KALRN: variants seen among roughly 807,000 people sequenced by gnomAD.
KALRN encodes the protein kalirin.
Under a neutral mutation model 353.7 loss-of-function variants are expected in KALRN, and 70 were observed. The observed-to-expected ratio is 0.20, with a 90% CI of 0.16 to 0.24. The LOEUF is 0.24. Ranked by LOEUF, KALRN falls within the 10% of genes least tolerant of loss-of-function variation. KALRN has a pLI of 1.00. For missense variants in KALRN, 2,791 were observed against 3,756.7 expected (o/e 0.74, Z 6.72); for synonymous variants, 1,391 against 1,434.8 (o/e 0.97, Z 0.69).
At chr3:124,604,119 T>C (rs333244) in intron 34 of KALRN, among the ~76,000 whole-genome samples, 7,270 of 149,078 alleles carry the variant, frequency 0.049, 587 homozygotes, top group African/African-American at 0.17. Context: ...TCTGAACAAA[T>C]AGATGGTCAG....
intron 56 of KALRN, among the ~76,000 whole-genome samples, chr3:124,701,143 G>A (rs1270174110): frequency 1.3e-5 from 2 of 152,174 alleles, no homozygotes; most frequent in Non-Finnish European, 2.9e-5. Flanking sequence ...TGCTATTTGT[G>A]AACCTTGGTC....
chr3:124,289,552 G>A (rs1267791180), intron 5 of KALRN, among the ~76,000 whole-genome samples: 1 of 152,200 alleles, frequency 6.6e-6, no homozygotes, highest in Non-Finnish European at 1.5e-5. Flanking sequence ...AGGCTGTTAT[G>A]AGGATTGAGA....
At chr3:124,679,171 C>T (rs1283209679) in intron 50 of KALRN, among the ~76,000 whole-genome samples, 1 of 152,234 alleles carries the variant, frequency 6.6e-6, no homozygotes, top group Non-Finnish European at 1.5e-5. Context: ...GAAGTCCAGC[C>T]TCACAGAAGA....
chr3:124,713,319 TC>T (rs1434670815), intron 58 of KALRN, among the ~76,000 whole-genome samples, 184 bp downstream of exon 58: 3 of 152,156 alleles, frequency 2.0e-5, no homozygotes, highest in African/African-American at 4.8e-5. Flanking sequence ...GATTAAAAAA[TC>T]ATAATAGGAA....
At chr3:124,541,905 C>G (rs555310285) in intron 33 of KALRN, among the ~76,000 whole-genome samples, 40 of 110,796 alleles carry the variant, frequency 3.6e-4, no homozygotes, top group Middle Eastern at 9.6e-3. Flanking sequence ...AAAAAGGTAG[C>G]CCAGATCATT....
intron 17 of KALRN, 115 bp downstream of exon 17, chr3:124,434,640 A>G: frequency 1.2e-6 from 1 of 856,080 alleles, no homozygotes; most frequent in Non-Finnish European, 1.8e-6. Context: ...TTTCAGTACT[A>G]ACATTTGAAG....
At chr3:124,566,512 A>C (rs944476552) in intron 34 of KALRN, among the ~76,000 whole-genome samples, 1 of 152,126 alleles carries the variant, frequency 6.6e-6, no homozygotes, top group Non-Finnish European at 1.5e-5. Context: ...CTCAAAAAAA[A>C]AAAAAAAGGA....
intron 3 of KALRN, among the ~76,000 whole-genome samples, chr3:124,239,984 T>C (rs145055864): frequency 6.6e-6 from 1 of 152,348 alleles, no homozygotes; most frequent in East Asian, 1.9e-4. Flanking sequence ...CCCTAAAACA[T>C]ACCTTTTAAA....
At chr3:124,573,800 G>T (rs1190867793) in intron 34 of KALRN, among the ~76,000 whole-genome samples, 1 of 152,152 alleles carries the variant, frequency 6.6e-6, no homozygotes, top group African/African-American at 2.4e-5. Context: ...GATTTCCCAA[G>T]AAATAATGGC....
intron 1 of KALRN, among the ~76,000 whole-genome samples, chr3:124,192,344 T>C (rs1293403632): frequency 1.3e-5 from 2 of 151,786 alleles, no homozygotes; most frequent in Admixed American, 6.6e-5. Flanking sequence ...CTCATGAACA[T>C]AGAGAGTACA....
chr3:124,415,361 A>G (rs1159768509), intron 14 of KALRN, among the ~76,000 whole-genome samples: 1 of 152,256 alleles, frequency 6.6e-6, no homozygotes, highest in Non-Finnish European at 1.5e-5. Flanking sequence ...TAATTAAATC[A>G]CAACATCTGA....
intron 11 of KALRN, among the ~76,000 whole-genome samples, chr3:124,393,746 A>G (rs2089798135): frequency 6.6e-6 from 1 of 152,206 alleles, no homozygotes; most frequent in Admixed American, 6.5e-5. Context: ...TAAGGAAACT[A>G]AGGCTCAGGA....
chr3:124,234,046 C>T (rs555978498), intron 2 of KALRN, among the ~76,000 whole-genome samples: 133 of 152,274 alleles, frequency 8.7e-4, no homozygotes, highest in Non-Finnish European at 1.2e-3. Flanking sequence ...GAAAAAGCAA[C>T]GATCCAAAAT....
At chr3:124,580,206 C>G (rs911723499) in intron 34 of KALRN, among the ~76,000 whole-genome samples, 8 of 152,170 alleles carry the variant, frequency 5.3e-5, no homozygotes, top group Non-Finnish European at 1.2e-4. Context: ...TTTAACACAC[C>G]CTCCAGGTGA....
chr3:124,364,144 C>G (rs1418049096), intron 10 of KALRN, among the ~76,000 whole-genome samples: 2 of 152,230 alleles, frequency 1.3e-5, no homozygotes, highest in Admixed American at 1.3e-4. Context: ...ATGTCACCAT[C>G]CACATTAACA....
At chr3:124,435,064 C>T (rs192593190) in intron 17 of KALRN, among the ~76,000 whole-genome samples, 14 of 152,292 alleles carry the variant, frequency 9.2e-5, no homozygotes, top group Non-Finnish European at 1.5e-4. Flanking sequence ...ATCTACCATA[C>T]AAGTGCATTT....
At chr3:124,399,705 G>A (rs1468109346) in intron 13 of KALRN, among the ~76,000 whole-genome samples, 1 of 152,202 alleles carries the variant, frequency 6.6e-6, no homozygotes, top group Non-Finnish European at 1.5e-5. Context: ...AAGTAAGCCT[G>A]TGCTAAGACC....
chr3:124,218,652 T>G (rs1157790080), intron 1 of KALRN, among the ~76,000 whole-genome samples: 1 of 152,184 alleles, frequency 6.6e-6, no homozygotes, highest in Non-Finnish European at 1.5e-5. Flanking sequence ...TAGAATCACT[T>G]CTGAAGTGGC....
intron 1 of KALRN, among the ~76,000 whole-genome samples, chr3:124,188,461 C>T (rs1457148821): frequency 1.3e-5 from 2 of 152,176 alleles, no homozygotes; most frequent in African/African-American, 4.8e-5. Context: ...TATCATTATC[C>T]CCTCAGCATG....
Sources: allele counts gnomAD v4.1 joint callset (sites outside exome capture counted in the v4.1 genomes callset), GRCh38; gene constraint gnomAD v4.1.1; transcripts MANE v1.5; gene names NCBI Gene and HGNC (gene_info 2026-07-23, HGNC 2026-07-21).